The following KRTAP11-1 variants were observed in gnomAD, a reference collection of about 807,000 sequenced individuals.
KRTAP11-1 encodes keratin associated protein 11-1.
Under a neutral mutation model 13.9 loss-of-function variants are expected in KRTAP11-1, and 17 were observed. The observed-to-expected ratio is 1.23, with a 90% CI of 0.84 to 1.84. The LOEUF is 1.84. Among genes scored for constraint, KRTAP11-1 ranks in the 40% most tolerant of loss-of-function variants. The pLI is 0.00. For synonymous variants in KRTAP11-1, 69 were observed against 81.6 expected, an observed-to-expected ratio of 0.85 and a Z score of 0.84; for missense variants, 181 against 200.9, an observed-to-expected ratio of 0.90 and a Z score of 0.60.
Position 30,881,119 on chromosome 21 carries a change from C to T in KRTAP11-1, c.406G>A (p.Gly136Arg), listed in dbSNP as rs768853900. 3.7e-6 allele frequency: 6 copies of T among 1,614,206 alleles called. No homozygotes were observed. In the South Asian group the frequency reaches 6.6e-5, roughly 18 times the overall value. ...GCTGGCTGGCAGACAGTAGAGACTC[C>T]TCCCACTGGTTGGCAGACAGTAGAG... ...GISTVCQPVG[G>R]VSTVCQPACG... Residue 136 changes from glycine (G) to arginine (R), a missense_variant, in exon 1 of 1, where the codon GGA becomes AGA. Gly to Arg is a moderately radical substitution (Grantham distance 125). Transcript: ENST00000332378.
Position 30,881,349 on chromosome 21 carries a change from G to T in KRTAP11-1, c.176C>A (p.Thr59Asn), listed in dbSNP as rs745941950. 8.1e-6 allele frequency: 13 copies of T among 1,614,028 alleles called. No homozygotes were observed. Among genetic ancestry groups the T allele is most frequent in the African/African-American group, 1.3e-5 (1 of 74,938 alleles). ...GSWLLDHCQE[T>N]CCEPTACQPT... ...CTGGCAAGCAGTGGGCTCACAGCAG[G>T]TCTCTTGACAGTGGTCCAGGAGCCA... The change falls in exon 1 of 1, where the codon ACC (threonine) becomes AAC (asparagine). Residue 59 changes from threonine to asparagine, a missense_variant. Transcript: ENST00000332378.
Position 30,880,931 on chromosome 21 carries a change from G to T in KRTAP11-1, c.*102C>A. On this transcript the variant is annotated 3_prime_UTR_variant, in exon 1 of 1. Transcript: ENST00000332378. ...CAGCAGTCAGGCGGTCACAAGAAGG[G>T]TCAGCTATGAAGAGCTATTCAGGGA... 2 of 1,437,750 alleles carry T rather than the reference G, an allele frequency of 1.4e-6. No homozygotes were observed. Among genetic ancestry groups the T allele is most frequent in the East Asian group, 2.3e-5 (1 of 43,614 alleles). The allele number at this position is 1,437,750 out of a possible 1,614,324, so 89.1% of individuals were successfully genotyped here.
At position 30,881,095 on chromosome 21, in the gene KRTAP11-1, C is replaced by A; in HGVS notation, c.430G>T (p.Ala144Ser). Residue 144 changes from alanine (A) to serine (S), a missense_variant, in exon 1 of 1, where the codon GCC (alanine) becomes TCC (serine). Coordinates refer to ENST00000332378, the MANE Select transcript of KRTAP11-1 (RefSeq NM_175858.3). ...TGATACGTCCTGGAGACCCCACAGG[C>A]TGGCTGGCAGACAGTAGAGACTCCT... Reference protein sequence around the residue: ...VGGVSTVCQPACGVSRTYQQS... With the variant: ...VGGVSTVCQPSCGVSRTYQQS... 1 of 1,614,180 alleles carries A rather than the reference C, an allele frequency of 6.2e-7. No homozygotes were observed. Among genetic ancestry groups the A allele is most frequent in the Non-Finnish European group, 8.5e-7 (1 of 1,180,018 alleles).
Position 30,880,909 on chromosome 21 carries a change from C to G in KRTAP11-1, c.*124G>C. ...CAGCGTGTGCATGGATAGTAGCCAGCAGTCAGGCGGTCACAAGAAGGGTCA... is the reference window on the plus strand; with the variant it reads ...CAGCGTGTGCATGGATAGTAGCCAGGAGTCAGGCGGTCACAAGAAGGGTCA... On this transcript the variant is annotated 3_prime_UTR_variant, in exon 1 of 1. Coordinates refer to ENST00000332378, the MANE Select transcript of KRTAP11-1 (RefSeq NM_175858.3). 7.9e-7 allele frequency: 1 copy of G among 1,268,164 alleles called. No homozygotes were observed. The allele number at this position is 1,268,164 out of a possible 1,614,324, so 78.6% of individuals were successfully genotyped here.
Position 30,881,022 on chromosome 21 carries a change from C to T in KRTAP11-1, c.*11G>A, listed in dbSNP as rs761007138. ...CGTGGAGTCTTGATTCGCTCACTGG[C>T]TCCTACACACTTAGCAGGTTCTTCG... is the stretch of plus-strand genomic sequence containing the variant. On this transcript the variant is annotated 3_prime_UTR_variant, in exon 1 of 1. Transcript: ENST00000332378. The T allele has an allele frequency of 1.2e-6, 2 of 1,605,346 alleles. No individual in the cohort carries two copies. Among genetic ancestry groups the T allele is most frequent in the Non-Finnish European group, 1.7e-6 (2 of 1,174,600 alleles).
Position 30,881,092 on chromosome 21 carries a change from A to AGGCT in KRTAP11-1, c.429_432dup (p.Cys145SerfsTer24). 9 of 1,614,146 alleles carry AGGCT rather than the reference A, an allele frequency of 5.6e-6. No homozygotes were observed. Among genetic ancestry groups the AGGCT allele is most frequent in the Non-Finnish European group, 7.6e-6 (9 of 1,180,010 alleles). On this transcript the variant is annotated frameshift_variant, in exon 1 of 1. Transcript: ENST00000332378. LOFTEE classifies it high-confidence loss of function. ...TGCTGATACGTCCTGGAGACCCCAC[A>AGGCT]GGCTGGCTGGCAGACAGTAGAGACT...
chr21:30,880,735 C>T lies in KRTAP11-1; in HGVS notation c.*298G>A, dbSNP rs1443812946. ...ACACAAAAGCAGAGGCCAGGAGATA[C>T]AGCAGCAAGGTGAAAACATGTCAAA... On this transcript the variant is annotated 3_prime_UTR_variant, in exon 1 of 1. Coordinates refer to ENST00000332378, the MANE Select transcript of KRTAP11-1 (RefSeq NM_175858.3). 5.3e-6 allele frequency: 2 copies of T among 378,084 alleles called. No homozygotes were observed. The highest frequency in any genetic ancestry group is 2.0e-5 in the African/African-American group (1 of 50,240). 23.4% of individuals were successfully genotyped at this position (378,084 alleles called of 1,614,324 possible).
rs766352056 is a variant in KRTAP11-1 at position 30,881,137 on chromosome 21, CA to C, written c.387del (p.Val130SerfsTer67). ...GAGACTCCTCCCACTGGTTGGCAGACAGTAGAGATGCCGCCCACTGGTTGGC... is the reference window on the plus strand; with the variant it reads ...GAGACTCCTCCCACTGGTTGGCAGACGTAGAGATGCCGCCCACTGGTTGGC... ...SVCQPVGGIS[T>X]VCQPVGGVST... On this transcript the variant is annotated frameshift_variant, in exon 1 of 1. Coordinates refer to ENST00000332378, the MANE Select transcript of KRTAP11-1 (RefSeq NM_175858.3). LOFTEE classifies it high-confidence loss of function. The C allele has an allele frequency of 6.2e-7, 1 of 1,614,138 alleles. No homozygotes were observed. The highest frequency in any genetic ancestry group is 1.1e-5 in the South Asian group (1 of 91,064).
In KRTAP11-1 at chr21:30,880,969, T is replaced by C; in HGVS notation, c.*64A>G. On this transcript the variant is annotated 3_prime_UTR_variant, in exon 1 of 1. Transcript: ENST00000332378. The stretch of plus-strand genomic sequence containing the variant: ...AGCTATTCAGGGACAAGCAGCATGC[T>C]GGAAGATCCTGGAAACAGCTGGCAG... 1 of 1,555,778 alleles carries C rather than the reference T, an allele frequency of 6.4e-7. No homozygotes were observed. Among genetic ancestry groups the C allele is most frequent in the African/African-American group, 1.4e-5 (1 of 73,698 alleles).
At position 30,880,897 on chromosome 21, in the gene KRTAP11-1, G is replaced by T; in HGVS notation, c.*136C>A. ...GAGTGCTAAAGACAGCGTGTGCATG[G>T]ATAGTAGCCAGCAGTCAGGCGGTCA... On this transcript the variant is annotated 3_prime_UTR_variant, in exon 1 of 1. Coordinates refer to ENST00000332378, the MANE Select transcript of KRTAP11-1 (RefSeq NM_175858.3). 8.5e-7 allele frequency: 1 copy of T among 1,176,224 alleles called. No individual in the cohort carries two copies. The allele number at this position is 1,176,224 out of a possible 1,614,324, so 72.9% of individuals were successfully genotyped here.
Position 30,881,204 on chromosome 21 carries a change from G to T in KRTAP11-1, c.321C>A (p.Val107=). Residue 107 remains valine, a synonymous_variant, in exon 1 of 1, where the codon GTC becomes GTA. Coordinates refer to ENST00000332378, the MANE Select transcript of KRTAP11-1 (RefSeq NM_175858.3). ...CTCCCAGGGGCTGACATCCACTAGA[G>T]ACAAAGGTGAGCGGCCGGCTGTAGG... The part of the protein sequence containing the change: ...STTYSRPLTF[V]SSGCQPLGGI... 1 of 1,614,156 alleles carries T rather than the reference G, an allele frequency of 6.2e-7. No homozygotes were observed. The highest frequency in any genetic ancestry group is 8.5e-7 in the Non-Finnish European group (1 of 1,180,028).
In KRTAP11-1 at chr21:30,880,973, A is replaced by T; in HGVS notation, c.*60T>A. On this transcript the variant is annotated 3_prime_UTR_variant, in exon 1 of 1. Transcript: ENST00000332378. ...ATTCAGGGACAAGCAGCATGCTGGA[A>T]GATCCTGGAAACAGCTGGCAGGTCG... 6.4e-7 allele frequency: 1 copy of T among 1,558,860 alleles called. No homozygotes were observed. Among genetic ancestry groups the T allele is most frequent in the South Asian group, 1.2e-5 (1 of 81,056 alleles).
Position 30,880,958 on chromosome 21 carries a change from A to T in KRTAP11-1, c.*75T>A. The T allele has an allele frequency of 1.9e-6, 3 of 1,542,920 alleles. No individual in the cohort carries two copies. The highest frequency in any genetic ancestry group is 2.6e-6 in the Non-Finnish European group (3 of 1,140,090). ...CAGCTATGAAGAGCTATTCAGGGAC[A>T]AGCAGCATGCTGGAAGATCCTGGAA... On this transcript the variant is annotated 3_prime_UTR_variant, in exon 1 of 1. Coordinates refer to ENST00000332378, the MANE Select transcript of KRTAP11-1 (RefSeq NM_175858.3).
In KRTAP11-1 at chr21:30,881,271, C is replaced by T; in HGVS notation, c.254G>A (p.Cys85Tyr). 6.2e-7 allele frequency: 1 copy of T among 1,614,138 alleles called. No homozygotes were observed. The highest frequency in any genetic ancestry group is 8.5e-7 in the Non-Finnish European group (1 of 1,180,014). Residue 85 changes from cysteine to tyrosine, a missense_variant, in exon 1 of 1, where the codon TGC (cysteine) becomes TAC (tyrosine). Cys to Tyr is a radical substitution (Grantham distance 194). Coordinates refer to ENST00000332378, the MANE Select transcript of KRTAP11-1 (RefSeq NM_175858.3). ...GGAAATACAGGTAGTTTGTCGAGAG[C>T]AAGTCACCTGGCAAGGGTTGGAGAC... ...SCVSNPCQVT[C>Y]SRQTTCISNP...
Position 30,880,772 on chromosome 21 carries a change from CT to C in KRTAP11-1, c.*260del, listed in dbSNP as rs1986192396. On this transcript the variant is annotated 3_prime_UTR_variant, in exon 1 of 1. Coordinates refer to ENST00000332378, the MANE Select transcript of KRTAP11-1 (RefSeq NM_175858.3). ...GAAAACATGTCAAAAGCATCAGAGACTGGGGTGTGGATGGTAAAGCTTCTGG... is the reference window on the plus strand; with the variant it reads ...GAAAACATGTCAAAAGCATCAGAGACGGGGTGTGGATGGTAAAGCTTCTGG... 6.4e-6 allele frequency: 3 copies of C among 468,588 alleles called. No homozygotes were observed. Among genetic ancestry groups the C allele is most frequent in the Non-Finnish European group, 1.1e-5 (3 of 264,438 alleles). 29.0% of individuals were successfully genotyped at this position (468,588 alleles called of 1,614,324 possible). A position where few individuals can be genotyped will look rare whatever the true frequency, so the allele number is the denominator to read the frequency against.
At position 30,881,167 on chromosome 21, in the gene KRTAP11-1, C is replaced by T. The variant is rs1986203405; in HGVS notation, c.358G>A (p.Val120Ile). The T allele has an allele frequency of 6.2e-7, 1 of 1,614,174 alleles. No homozygotes were observed. The highest frequency in any genetic ancestry group is 2.2e-5 in the East Asian group (1 of 44,854). The change falls in exon 1 of 1, where the codon GTC (valine) becomes ATC (isoleucine). Residue 120 changes from valine (V) to isoleucine (I), a missense_variant. Transcript: ENST00000332378. Reference protein sequence around the residue: ...GCQPLGGISSVCQPVGGISTV... With the variant: ...GCQPLGGISSICQPVGGISTV... Reference sequence around the variant, plus strand: ...GAGATGCCGCCCACTGGTTGGCAGACACTGGAGATGCCTCCCAGGGGCTGA... The same window carrying T: ...GAGATGCCGCCCACTGGTTGGCAGATACTGGAGATGCCTCCCAGGGGCTGA...
chr21:30,880,920 T>C lies in KRTAP11-1; in HGVS notation c.*113A>G. ...TGGATAGTAGCCAGCAGTCAGGCGG[T>C]CACAAGAAGGGTCAGCTATGAAGAG... On this transcript the variant is annotated 3_prime_UTR_variant, in exon 1 of 1. Coordinates refer to ENST00000332378, the MANE Select transcript of KRTAP11-1 (RefSeq NM_175858.3). 1 of 1,389,980 alleles carries C rather than the reference T, an allele frequency of 7.2e-7. No homozygotes were observed. Among genetic ancestry groups the C allele is most frequent in the Non-Finnish European group, 9.8e-7 (1 of 1,020,264 alleles). The allele number at this position is 1,389,980 out of a possible 1,614,324, so 86.1% of individuals were successfully genotyped here.
chr21:30,881,060 G>T lies in KRTAP11-1; in HGVS notation c.465C>A (p.Cys155Ter). Reference sequence around the variant, plus strand: ...AGCAGGTTCTTCGGCAGCTGGACACGCAGGACTGCTGATACGTCCTGGAGA... The same window carrying T: ...AGCAGGTTCTTCGGCAGCTGGACACTCAGGACTGCTGATACGTCCTGGAGA... Reference protein sequence around the residue: ...CGVSRTYQQSCVSSCRRTC With the variant: ...CGVSRTYQQS The change falls in exon 1 of 1, where the codon TGC becomes TGA. Residue 155 changes from cysteine to a stop codon, truncating the protein, a stop_gained. Transcript: ENST00000332378. LOFTEE classifies it high-confidence loss of function. The T allele has an allele frequency of 6.2e-7, 1 of 1,613,740 alleles. No individual in the cohort carries two copies. The highest frequency in any genetic ancestry group is 8.5e-7 in the Non-Finnish European group (1 of 1,179,726).
Position 30,881,530 on chromosome 21 carries a change from C to A in KRTAP11-1, c.-6G>T. 1.3e-6 allele frequency: 2 copies of A among 1,597,520 alleles called. No homozygotes were observed. The highest frequency in any genetic ancestry group is 1.1e-5 in the South Asian group (1 of 87,534). ...GTGGAGCAGTTGAAGGACATGATGT[C>A]AGACAGAGGGCTGCAGGTAGCTTGC... is the stretch of plus-strand genomic sequence containing the variant. On this transcript the variant is annotated 5_prime_UTR_variant, in exon 1 of 1. Transcript: ENST00000332378.
Sources: gnomAD v4.1 joint callset for allele counts on GRCh38, gnomAD v4.1.1 for gene constraint, MANE v1.5 for transcripts, NCBI Gene and HGNC (gene_info 2026-07-23, HGNC 2026-07-21) for gene names.